Variants in FAM227B observed in about 807,000 individuals in gnomAD.
FAM227B encodes the protein family with sequence similarity 227 member B.
In FAM227B, 88 loss-of-function variants were observed where a neutral mutation model predicts 73.8. The observed-to-expected ratio is 1.19, with a 90% CI of 1.00 to 1.42. The LOEUF is 1.42. Ranked by LOEUF, FAM227B falls within the 40% of genes most tolerant of loss-of-function variation. The pLI is 0.00. For synonymous variants in FAM227B, 210 were observed against 190.5 expected, an observed-to-expected ratio of 1.10 and a Z score of -0.84; for missense variants, 632 against 590.9, an observed-to-expected ratio of 1.07 and a Z score of -0.72.
At chr15:49,605,393 C>T (rs1348310896) in intron 3 of FAM227B, among the ~76,000 whole-genome samples, 1 of 152,172 alleles carries the variant, frequency 6.6e-6, no homozygotes, top group African/African-American at 2.4e-5. Flanking sequence ...GGTCCTGAGT[C>T]CTAGGCTCAA....
chr15:49,589,542 T>TACACACACACACACAC (rs35391819), intron 4 of FAM227B, among the ~76,000 whole-genome samples: 1 of 139,724 alleles, frequency 7.2e-6, no homozygotes, highest in Non-Finnish European at 1.5e-5. Flanking sequence ...TTTATGAGAT[T>TACACACACACACACAC]ACACACACAC....
intron 11 of FAM227B, among the ~76,000 whole-genome samples, chr15:49,407,278 G>A (rs1165551957): frequency 6.6e-6 from 1 of 152,186 alleles, no homozygotes; most frequent in Non-Finnish European, 1.5e-5. Context: ...GGCCCATGGT[G>A]AGAGCCGGTT....
chr15:49,386,990 G>A (rs1348961731), intron 11 of FAM227B, among the ~76,000 whole-genome samples: 1 of 151,688 alleles, frequency 6.6e-6, no homozygotes, highest in Non-Finnish European at 1.5e-5. Context: ...CAGTGAGATT[G>A]AATCAGTAAT....
intron 9 of FAM227B, among the ~76,000 whole-genome samples, chr15:49,543,867 TTTATACTAG>T (rs777268554): frequency 6.6e-6 from 1 of 152,208 alleles, no homozygotes; most frequent in African/African-American, 2.4e-5. Context: ...CTTGCCTATT[TTTATACTAG>T]TACCATGGTG....
chr15:49,377,267 T>G (rs1264184757), intron 11 of FAM227B, among the ~76,000 whole-genome samples: 2 of 152,140 alleles, frequency 1.3e-5, no homozygotes, highest in African/African-American at 4.8e-5. Flanking sequence ...TTTCATCTAT[T>G]GATGGACATT....
intron 11 of FAM227B, among the ~76,000 whole-genome samples, chr15:49,425,757 G>A (rs1349248307): frequency 6.6e-6 from 1 of 151,666 alleles, no homozygotes; most frequent in South Asian, 2.1e-4. Context: ...AACCATAATT[G>A]ATATAGAATG....
chr15:49,541,733 A>G lies in FAM227B; in HGVS notation c.821T>C (p.Phe274Ser). ...HEAFPESSYLFNDEFKEDLGN... is the reference protein window; with the variant it reads ...HEAFPESSYLSNDEFKEDLGN... ...TAGATCTTCTTTAAATTCATCATTA[A>G]AGAGGTAACTCGATTCTGGAAATGC... The change falls in exon 10 of 16, where the codon TTT becomes TCT. Residue 274 changes from phenylalanine to serine, a missense_variant. By Grantham distance (155) the Phe-to-Ser change is radical. Transcript: ENST00000299338. 2 of 1,544,564 alleles carry G rather than the reference A, an allele frequency of 1.3e-6. No homozygotes were observed. The highest frequency in any genetic ancestry group is 1.7e-6 in the Non-Finnish European group (2 of 1,144,974).
intron 9 of FAM227B, among the ~76,000 whole-genome samples, chr15:49,550,129 C>G (rs2072668669): frequency 6.9e-6 from 1 of 145,318 alleles, no homozygotes; most frequent in Non-Finnish European, 1.5e-5. Flanking sequence ...CCACCTCCCT[C>G]CCGGACGGGG....
At chr15:49,434,503 C>G (rs1235901484) in intron 11 of FAM227B, 1 of 151,180 alleles carries the variant, frequency 6.6e-6, no homozygotes, top group Non-Finnish European at 1.5e-5. Flanking sequence ...GAGGAAATAG[C>G]CTGAAGGATG....
At chr15:49,576,900 T>C in intron 6 of FAM227B, 55 bp from the exon 7 acceptor site, 1 of 952,154 alleles carries the variant, frequency 1.1e-6, no homozygotes, top group Non-Finnish European at 1.6e-6. Flanking sequence ...CTCACTATAG[T>C]AGACTCATAT....
chr15:49,406,818 G>C (rs904360789), intron 11 of FAM227B, among the ~76,000 whole-genome samples: 2 of 152,242 alleles, frequency 1.3e-5, no homozygotes, highest in African/African-American at 4.8e-5. Flanking sequence ...GGAAGACACA[G>C]TGTGGAGAGG....
intron 13 of FAM227B, among the ~76,000 whole-genome samples, chr15:49,358,300 C>T (rs1596489541): frequency 8.0e-6 from 1 of 124,400 alleles, no homozygotes; most frequent in Admixed American, 7.6e-5. Flanking sequence ...TCAAATTGTC[C>T]CTGTTTGCAG....
chr15:49,512,411 T>G (rs1275396417), intron 10 of FAM227B, among the ~76,000 whole-genome samples: 1 of 152,090 alleles, frequency 6.6e-6, no homozygotes, highest in Non-Finnish European at 1.5e-5. Flanking sequence ...TTTGCTCGCT[T>G]CTTCTATTAA....
intron 10 of FAM227B, among the ~76,000 whole-genome samples, chr15:49,520,519 T>C (rs2059705198): frequency 6.6e-6 from 1 of 152,054 alleles, no homozygotes; most frequent in Non-Finnish European, 1.5e-5. Flanking sequence ...CTGGGTAAAT[T>C]ATAAAGAAAA....
chr15:49,332,747 A>G (rs915039526), intron 14 of FAM227B, among the ~76,000 whole-genome samples: 16 of 152,196 alleles, frequency 1.1e-4, no homozygotes, highest in African/African-American at 3.9e-4. Flanking sequence ...TCCCAAATAC[A>G]TGTTGCTGAA....
chr15:49,553,677 T>C (rs28822970), intron 9 of FAM227B, among the ~76,000 whole-genome samples: 49,864 of 152,098 alleles, frequency 0.33, 8,961 homozygotes, highest in African/African-American at 0.46. Flanking sequence ...GTAGCCACTG[T>C]CACACCATGC....
chr15:49,580,095 T>G (rs1372325152), intron 5 of FAM227B, among the ~76,000 whole-genome samples: 1 of 152,190 alleles, frequency 6.6e-6, no homozygotes, highest in Non-Finnish European at 1.5e-5. Flanking sequence ...TATAAATACA[T>G]GTTAAAATTC....
chr15:49,600,073 T>C (rs969072326), intron 3 of FAM227B, among the ~76,000 whole-genome samples: 2 of 152,186 alleles, frequency 1.3e-5, no homozygotes, highest in Non-Finnish European at 1.5e-5. Flanking sequence ...ATTTGCTTCA[T>C]ATATTTAGGT....
chr15:49,589,960 T>C lies in FAM227B; in HGVS notation c.153A>G (p.Ser51=), dbSNP rs144645849. 3.7e-6 allele frequency: 6 copies of C among 1,608,326 alleles called. No homozygotes were observed. In the African/African-American group the frequency reaches 5.3e-5, roughly 14 times the overall value. Residue 51 remains serine, a synonymous_variant, in exon 4 of 16, where the codon TCA becomes TCG. Transcript: ENST00000299338. ...EIHFRDDDKW[S]CTLKKIKEDS... ...CTTCTTTTATTTTTTTCAGAGTGCATGACCATTTATCATCATCTCTAAAAT... is the reference window on the plus strand; with the variant it reads ...CTTCTTTTATTTTTTTCAGAGTGCACGACCATTTATCATCATCTCTAAAAT...
Sources: allele counts gnomAD v4.1 joint callset (sites outside exome capture counted in the v4.1 genomes callset), GRCh38; gene constraint gnomAD v4.1.1; transcripts MANE v1.5; gene names NCBI Gene and HGNC (gene_info 2026-07-23, HGNC 2026-07-21).